The following DLGAP2 variants were observed in gnomAD, a reference collection of about 807,000 sequenced individuals.
DLGAP2 encodes the protein DLG associated protein 2, also known as disks large-associated protein 2.
A neutral mutation model predicts 100.3 loss-of-function variants in DLGAP2; 26 were observed. That is an observed-to-expected ratio of 0.26 (90% CI 0.19 to 0.36). The LOEUF (loss-of-function observed/expected upper bound fraction) is 0.36, where lower values mean the gene tolerates loss of function less well. DLGAP2 is among the 10% of genes least tolerant of loss of function. The pLI, the probability that DLGAP2 is intolerant of heterozygous loss-of-function variation, is 1.00. For missense variants in DLGAP2, 1,858 were observed against 1,453.2 expected, an observed-to-expected ratio of 1.28 and a Z score of -4.53; for synonymous variants, 886 against 630.1, an observed-to-expected ratio of 1.41 and a Z score of -6.08.
chr8:1,336,105 C>T (rs1801267223), intron 3 of DLGAP2, among the ~76,000 whole-genome samples: 1 of 152,260 alleles, frequency 6.6e-6, no homozygotes, highest in Admixed American at 6.5e-5. Context: ...GCTGCTGCAT[C>T]CAAGACCACC....
At chr8:1,411,705 G>T (rs1796736060) in intron 3 of DLGAP2, among the ~76,000 whole-genome samples, 1 of 152,156 alleles carries the variant, frequency 6.6e-6, no homozygotes, top group African/African-American at 2.4e-5. Context: ...CATTTCACAG[G>T]CTCACGAAGC....
intron 2 of DLGAP2, among the ~76,000 whole-genome samples, chr8:1,164,321 G>C (rs113529265): frequency 0.1 from 5,616 of 55,836 alleles, 4 homozygotes; most frequent in Middle Eastern, 0.22. Flanking sequence ...TTTGTTTGTG[G>C]GGACAGATTT....
In DLGAP2 at chr8:1,430,713, C is replaced by G. The variant is rs147731853; in HGVS notation, c.107-70653C>G. Among the ~76,000 whole-genome samples, 5 of 152,302 alleles carry G rather than the reference C, an allele frequency of 3.3e-5. No homozygotes were observed. In the East Asian group the frequency reaches 7.7e-4, roughly 23 times the overall value. On this transcript the variant is annotated intron_variant, in intron 3 of 14. Coordinates refer to ENST00000637795, the MANE Select transcript of DLGAP2 (RefSeq NM_001346810.2). ...AATTAATCATTTTAAGTATTCTTTTCTATCACAGTTTTCTTCCACTCAGAA... is the reference window on the plus strand; with the variant it reads ...AATTAATCATTTTAAGTATTCTTTTGTATCACAGTTTTCTTCCACTCAGAA...
intron 3 of DLGAP2, among the ~76,000 whole-genome samples, chr8:1,318,778 G>GCCCCCCCCCCCCCCCCCC (rs34614425): frequency 1.9e-5 from 2 of 105,572 alleles, no homozygotes; most frequent in African/African-American, 4.3e-5. Flanking sequence ...TCAGTGATCA[G>GCCCCCCCCCCCCCCCCCC]CCCCCCCCCC....
At chr8:887,106 C>G (rs1254361477) in intron 1 of DLGAP2, among the ~76,000 whole-genome samples, 2 of 152,076 alleles carry the variant, frequency 1.3e-5, no homozygotes, top group Admixed American at 6.6e-5. Flanking sequence ...CGAATTGATC[C>G]CTTTACCATT....
At chr8:789,541 A>G (rs1034233413) in intron 1 of DLGAP2, among the ~76,000 whole-genome samples, 1 of 152,216 alleles carries the variant, frequency 6.6e-6, no homozygotes, top group African/African-American at 2.4e-5. Flanking sequence ...GAGCCAAACC[A>G]TATGAATTGT....
chr8:1,577,430 T>G (rs1803029291), intron 6 of DLGAP2, among the ~76,000 whole-genome samples: 1 of 151,770 alleles, frequency 6.6e-6, no homozygotes, highest in African/African-American at 2.4e-5. Flanking sequence ...TTAGCTGGTG[T>G]AGTGGCACAT....
intron 3 of DLGAP2, among the ~76,000 whole-genome samples, chr8:1,371,931 T>G (rs1192740951): frequency 6.6e-6 from 1 of 152,246 alleles, no homozygotes; most frequent in Non-Finnish European, 1.5e-5. Context: ...TATGCCACTT[T>G]TCTCTGAAAA....
At chr8:1,180,703 T>G (rs1437656161) in intron 2 of DLGAP2, among the ~76,000 whole-genome samples, 3 of 151,050 alleles carry the variant, frequency 2.0e-5, no homozygotes, top group Non-Finnish European at 3.0e-5. Flanking sequence ...CCGTCGAGTG[T>G]GTGTGGGTGT....
At chr8:1,265,145 A>G (rs190297122) in intron 3 of DLGAP2, among the ~76,000 whole-genome samples, 7 of 152,338 alleles carry the variant, frequency 4.6e-5, no homozygotes, top group Admixed American at 3.3e-4. Flanking sequence ...AGGAGAATGA[A>G]CAACCAAAGC....
intron 1 of DLGAP2, among the ~76,000 whole-genome samples, chr8:825,896 A>G (rs1438231469): frequency 1.3e-5 from 2 of 152,176 alleles, no homozygotes; most frequent in Non-Finnish European, 2.9e-5. Flanking sequence ...GAAGTTGTTG[A>G]CTGTAGTCAC....
chr8:1,320,099 G>A (rs1440058438), intron 3 of DLGAP2, among the ~76,000 whole-genome samples: 1 of 152,128 alleles, frequency 6.6e-6, no homozygotes, highest in African/African-American at 2.4e-5. Flanking sequence ...CATTCTGCAA[G>A]TAGAGACCAT....
intron 2 of DLGAP2, among the ~76,000 whole-genome samples, chr8:1,215,923 C>T (rs189993986): frequency 6.7e-6 from 1 of 149,492 alleles, no homozygotes; most frequent in East Asian, 2.0e-4. Context: ...TGGAGACGTC[C>T]AGGTACCTGG....
chr8:1,140,605 C>T (rs1796504739), intron 2 of DLGAP2, among the ~76,000 whole-genome samples: 1 of 152,150 alleles, frequency 6.6e-6, no homozygotes, highest in African/African-American at 2.4e-5. Context: ...CCCTCCCTTC[C>T]CTCACTCAGC....
intron 1 of DLGAP2, among the ~76,000 whole-genome samples, chr8:833,964 C>A (rs556327121): frequency 4.6e-5 from 7 of 152,178 alleles, no homozygotes; most frequent in Non-Finnish European, 1.0e-4. Context: ...GACGAGAATT[C>A]GTGCCTTTTC....
At chr8:1,684,778 A>G (rs917483819) in intron 12 of DLGAP2, among the ~76,000 whole-genome samples, 13 of 152,172 alleles carry the variant, frequency 8.5e-5, no homozygotes, top group Non-Finnish European at 1.9e-4. Flanking sequence ...GAAAAATCAA[A>G]AATGTGCATA....
intron 1 of DLGAP2, among the ~76,000 whole-genome samples, chr8:903,684 G>T (rs1584877642): frequency 6.6e-6 from 1 of 152,250 alleles, no homozygotes; most frequent in Non-Finnish European, 1.5e-5. Flanking sequence ...AGGACGCCAA[G>T]CTCTCCCGCC....
intron 3 of DLGAP2, among the ~76,000 whole-genome samples, chr8:1,464,354 C>T (rs1167291388): frequency 0.01 from 1,454 of 144,258 alleles, 202 homozygotes; most frequent in East Asian, 0.017. Context: ...GGACGGCACC[C>T]TTCCAGGACA....
At chr8:1,164,070 G>A (rs925493153) in intron 2 of DLGAP2, among the ~76,000 whole-genome samples, 1 of 142,442 alleles carries the variant, frequency 7.0e-6, no homozygotes, top group Non-Finnish European at 1.5e-5. Context: ...TGACGCTGGC[G>A]CCGTCTTCTC....
Sources: allele counts gnomAD v4.1 joint callset (sites outside exome capture counted in the v4.1 genomes callset), GRCh38; gene constraint gnomAD v4.1.1; transcripts MANE v1.5; gene names NCBI Gene and HGNC (gene_info 2026-07-23, HGNC 2026-07-21).